Variants in SV2C observed in about 807,000 individuals in gnomAD.
The protein encoded by SV2C is synaptic vesicle glycoprotein 2C, also known as solute carrier family 22 member B3.
Under a neutral mutation model 79.7 loss-of-function variants are expected in SV2C, and 49 were observed. The ratio of observed to expected loss-of-function variants is 0.61; its 90% CI spans 0.49 to 0.78. The LOEUF is 0.78. Ranked by LOEUF, SV2C falls within the 30% of genes least tolerant of loss-of-function variation. SV2C has a pLI of 0.00. For synonymous variants in SV2C, 334 were observed against 333.2 expected, an observed-to-expected ratio of 1.00 and a Z score of -0.03; for missense variants, 833 against 912.9, an observed-to-expected ratio of 0.91 and a Z score of 1.13.
At chr5:75,938,502 A>G in the SV2C span, among the ~76,000 whole-genome samples, 1 of 152,330 alleles carries the variant, frequency 6.6e-6, no homozygotes, top group Non-Finnish European at 1.5e-5. Flanking sequence ...ACGGAATAAT[A>G]TGAATGAATA....
At chr5:76,044,185 T>A in the SV2C span, among the ~76,000 whole-genome samples, 1 of 152,214 alleles carries the variant, frequency 6.6e-6, no homozygotes, top group Non-Finnish European at 1.5e-5. Context: ...CCTGCATTAG[T>A]TTGCTGAGGA....
chr5:76,104,307 T>A (rs1376774748), intron 1 of SV2C, among the ~76,000 whole-genome samples: 1 of 152,226 alleles, frequency 6.6e-6, no homozygotes, highest in Non-Finnish European at 1.5e-5. Flanking sequence ...TTTCCTCAAC[T>A]TATTTGATCA....
At chr5:76,309,339 G>C (rs546996060) in intron 12 of SV2C, among the ~76,000 whole-genome samples, 1 of 152,016 alleles carries the variant, frequency 6.6e-6, no homozygotes, top group Non-Finnish European at 1.5e-5. Context: ...GGTGGCTCAC[G>C]TCTGTAATCC....
the SV2C span, among the ~76,000 whole-genome samples, chr5:75,920,509 C>T: frequency 1.3e-5 from 2 of 152,040 alleles, no homozygotes; most frequent in East Asian, 1.9e-4. Flanking sequence ...GTGGGCTAAG[C>T]GGGGAACAGG....
chr5:75,975,928 A>C, the SV2C span, among the ~76,000 whole-genome samples: 1 of 152,182 alleles, frequency 6.6e-6, no homozygotes, highest in Non-Finnish European at 1.5e-5. Context: ...TTTCCTGTTC[A>C]TAAAAGAGTT....
chr5:76,059,969 C>G, the SV2C span, among the ~76,000 whole-genome samples: 1 of 152,038 alleles, frequency 6.6e-6, no homozygotes, highest in Non-Finnish European at 1.5e-5. Flanking sequence ...TCCATCAGAG[C>G]TTTTGGGTAA....
intron 12 of SV2C, among the ~76,000 whole-genome samples, chr5:76,306,548 A>G (rs1382865834): frequency 1.3e-5 from 2 of 152,246 alleles, no homozygotes; most frequent in Non-Finnish European, 2.9e-5. Flanking sequence ...TCAAAAACAA[A>G]TCTACATTCC....
the SV2C span, among the ~76,000 whole-genome samples, chr5:75,917,517 C>T: frequency 6.6e-6 from 1 of 152,144 alleles, no homozygotes; most frequent in Non-Finnish European, 1.5e-5. Context: ...AACCTTACAA[C>T]ACAGATGGAA....
At chr5:76,139,553 A>G (rs1049732246) in intron 2 of SV2C, among the ~76,000 whole-genome samples, 1 of 152,130 alleles carries the variant, frequency 6.6e-6, no homozygotes, top group African/African-American at 2.4e-5. Flanking sequence ...GACTGCTTCT[A>G]AGAGATAGAT....
At chr5:75,938,584 G>A in the SV2C span, among the ~76,000 whole-genome samples, 10 of 152,184 alleles carry the variant, frequency 6.6e-5, no homozygotes, top group East Asian at 1.9e-4. Context: ...TATAAAGTTC[G>A]AAAAACAGGC....
chr5:76,142,897 C>CTTTAACTTTTTTTTTTTTT (rs1749302047), intron 2 of SV2C, among the ~76,000 whole-genome samples: 7 of 103,886 alleles, frequency 6.7e-5, no homozygotes, highest in African/African-American at 2.0e-4. Context: ...TCAACTTTTT[C>CTTTAACTTTTTTTTTTTTT]TTTTCCTTTT....
chr5:76,257,926 TGTGTATGTGTGTG>T (rs1423641099), intron 4 of SV2C, among the ~76,000 whole-genome samples: 4 of 120,634 alleles, frequency 3.3e-5, no homozygotes, highest in Non-Finnish European at 7.1e-5. Context: ...GGTGTGTGTA[TGTGTATGTGTGTG>T]GTGTATGTGT....
the SV2C span, among the ~76,000 whole-genome samples, chr5:76,064,833 T>A: frequency 6.6e-5 from 10 of 152,176 alleles, no homozygotes; most frequent in African/African-American, 1.9e-4. Flanking sequence ...ATTTTTTCTA[T>A]TGTTAAAGTG....
At chr5:76,177,741 C>T (rs1258776256) in intron 2 of SV2C, among the ~76,000 whole-genome samples, 1 of 151,890 alleles carries the variant, frequency 6.6e-6, no homozygotes, top group African/African-American at 2.4e-5. Context: ...GACTTTGGAA[C>T]TTGGACAAGG....
chr5:76,274,809 T>C (rs1165583488), intron 4 of SV2C, among the ~76,000 whole-genome samples: 1 of 151,980 alleles, frequency 6.6e-6, no homozygotes, highest in Non-Finnish European at 1.5e-5. Context: ...ACAACCTGAG[T>C]TTCCAGCCAA....
the SV2C span, among the ~76,000 whole-genome samples, chr5:76,014,977 C>T: frequency 6.6e-6 from 1 of 152,152 alleles, no homozygotes; most frequent in African/African-American, 2.4e-5. Flanking sequence ...CTCTTGGACA[C>T]CGTAGAAGAC....
At chr5:75,992,355 A>C in the SV2C span, among the ~76,000 whole-genome samples, 1 of 152,018 alleles carries the variant, frequency 6.6e-6, no homozygotes. Flanking sequence ...CTGTATCTAC[A>C]TCTATATATG....
the SV2C span, among the ~76,000 whole-genome samples, chr5:76,055,359 G>T: frequency 0.52 from 79,039 of 151,874 alleles, 21,131 homozygotes; most frequent in East Asian, 0.73. Flanking sequence ...TTGGTCTATA[G>T]ATCTGTTACG....
chr5:76,207,263 T>G (rs899075088), intron 3 of SV2C, among the ~76,000 whole-genome samples: 1 of 152,122 alleles, frequency 6.6e-6, no homozygotes, highest in African/African-American at 2.4e-5. Flanking sequence ...AGTGCCTTCA[T>G]GAAGCTTAAG....
Sources: allele counts gnomAD v4.1 joint callset (sites outside exome capture counted in the v4.1 genomes callset), GRCh38; gene constraint gnomAD v4.1.1; transcripts MANE v1.5; gene names NCBI Gene and HGNC (gene_info 2026-07-23, HGNC 2026-07-21).